The following ADAM8 variants were observed in gnomAD, a reference collection of about 807,000 sequenced individuals.
ADAM8 encodes disintegrin and metalloproteinase domain-containing protein 8.
Under a neutral mutation model 102.4 loss-of-function variants are expected in ADAM8, and 104 were observed. The observed-to-expected ratio is 1.02, with a 90% CI of 0.87 to 1.20. The LOEUF (loss-of-function observed/expected upper bound fraction) is 1.20. Among genes scored for constraint, ADAM8 ranks in the 50% most tolerant of loss-of-function variants. The pLI, the probability that ADAM8 is intolerant of heterozygous loss-of-function variation, is 0.00. For missense variants in ADAM8, 1,132 were observed against 1,159.0 expected, an observed-to-expected ratio of 0.98 and a Z score of 0.34; for synonymous variants, 517 against 485.2, an observed-to-expected ratio of 1.07 and a Z score of -0.86.
chr10:133,270,751 T>C lies in ADAM8; in HGVS notation c.1619A>G (p.Lys540Arg), dbSNP rs1589806782. The change falls in exon 15 of 23, where the codon AAG becomes AGG. Residue 540 changes from lysine (K) to arginine (R), a missense_variant. Coordinates refer to ENST00000445355, the MANE Select transcript of ADAM8 (RefSeq NM_001109.5). ...CFSYDILPGCKASRYRADMCG... is the reference protein window; with the variant it reads ...CFSYDILPGCRASRYRADMCG... Reference sequence around the variant, plus strand: ...CTCAGCTCACCTGTACCGGCTGGCCTTGCAGCCTGGTAGGATGTCATAGGA... The same window carrying C: ...CTCAGCTCACCTGTACCGGCTGGCCCTGCAGCCTGGTAGGATGTCATAGGA... 6.2e-7 allele frequency: 1 copy of C among 1,606,182 alleles called. No individual in the cohort carries two copies. Among genetic ancestry groups the C allele is most frequent in the Non-Finnish European group, 8.5e-7 (1 of 1,176,270 alleles).
chr10:133,264,253 G>T (rs540492207), intron 21 of ADAM8, among the ~76,000 whole-genome samples: 2 of 151,692 alleles, frequency 1.3e-5, no homozygotes, highest in African/African-American at 4.8e-5. Flanking sequence ...TAGAGACGGG[G>T]TCTCCCTATG....
At position 133,274,066 on chromosome 10, in the gene ADAM8, G is replaced by A. The variant is rs372158626; in HGVS notation, c.228-37C>T. ...GTGCTGTGACTGCCTCGGCCCCCTCGGTGCAGAGAGGCTGGCCCAGAGGCT... is the reference window on the plus strand; with the variant it reads ...GTGCTGTGACTGCCTCGGCCCCCTCAGTGCAGAGAGGCTGGCCCAGAGGCT... On this transcript the variant is annotated intron_variant, in intron 3 of 22. Coordinates refer to ENST00000445355, the MANE Select transcript of ADAM8 (RefSeq NM_001109.5). 4.1e-4 allele frequency: 661 copies of A among 1,592,980 alleles called. 11 individuals carry two copies. The South Asian group carries it at 7.0e-3, about 17-fold the overall frequency.
At chr10:133,264,893 T>A (rs1350857016) in intron 21 of ADAM8, among the ~76,000 whole-genome samples, 1 of 125,218 alleles carries the variant, frequency 8.0e-6, no homozygotes, top group South Asian at 3.1e-4. Flanking sequence ...CTCTGCCCCA[T>A]CTACCTCCAT....
chr10:133,267,543 G>C, intron 20 of ADAM8, 126 bp from the exon 21 acceptor site: 1 of 959,840 alleles, frequency 1.0e-6, no homozygotes. Flanking sequence ...CGGCCCACAG[G>C]GCCCCACCCC....
rs368209407 is a variant in ADAM8 at position 133,265,560 on chromosome 10, G to A, written c.2319+1792C>T. Among the ~76,000 whole-genome samples the A allele has an allele frequency of 2.6e-5, 4 of 152,280 alleles. No homozygotes were observed. The South Asian group carries it at 8.3e-4, about 32-fold the overall frequency. On this transcript the variant is annotated intron_variant, in intron 21 of 22. Coordinates refer to ENST00000445355, the MANE Select transcript of ADAM8 (RefSeq NM_001109.5). ...TAATCCCAGCACTTTGGGAGGCCAA[G>A]GCAGGCAGATTACGAGGTCAAGAGA...
chr10:133,268,730 AG>A lies in ADAM8; in HGVS notation c.2063+17del, dbSNP rs1182207078. 6.2e-7 allele frequency: 1 copy of A among 1,604,134 alleles called. No individual in the cohort carries two copies. Among genetic ancestry groups the A allele is most frequent in the Non-Finnish European group, 8.5e-7 (1 of 1,177,530 alleles). On this transcript the variant is annotated intron_variant, in intron 19 of 22. Coordinates refer to ENST00000445355, the MANE Select transcript of ADAM8 (RefSeq NM_001109.5). ...GGAAGCACTCGCCACCCTCCGTCACAGCCCCCACCACCCTCACCTGCTCAGG... is the reference window on the plus strand; with the variant it reads ...GGAAGCACTCGCCACCCTCCGTCACACCCCCACCACCCTCACCTGCTCAGG...
chr10:133,266,212 G>A (rs1056802414), intron 21 of ADAM8, among the ~76,000 whole-genome samples: 4 of 152,142 alleles, frequency 2.6e-5, no homozygotes, highest in African/African-American at 9.7e-5. Flanking sequence ...GGGGCCGGGG[G>A]CTGAGTGCCT....
In ADAM8 at chr10:133,273,778, T is replaced by TGCTGAGGCTGGCG. The variant is rs1443688482; in HGVS notation, c.354_366dup (p.Thr123ArgfsTer27). The TGCTGAGGCTGGCG allele has an allele frequency of 3.2e-6, 5 of 1,548,628 alleles. No individual in the cohort carries two copies. The highest frequency in any genetic ancestry group is 4.4e-6 in the Non-Finnish European group (5 of 1,146,768). Reference sequence around the variant, plus strand: ...CACACCCACCTGAGGCCGGCACAGGTGCTGAGGCTGGCGGCTGAGTCCGGG... The same window carrying TGCTGAGGCTGGCG: ...CACACCCACCTGAGGCCGGCACAGGTGCTGAGGCTGGCGGCTGAGGCTGGCGGCTGAGTCCGGG... On this transcript the variant is annotated frameshift_variant, in exon 5 of 23. Transcript: ENST00000445355. LOFTEE classifies it high-confidence loss of function.
chr10:133,263,700 A>C lies in ADAM8; in HGVS notation c.2385T>G (p.Pro795=). 1 of 1,532,220 alleles carries C rather than the reference A, an allele frequency of 6.5e-7. No homozygotes were observed. The highest frequency in any genetic ancestry group is 1.2e-5 in the South Asian group (1 of 82,228). 94.9% of individuals were successfully genotyped at this position (1,532,220 alleles called of 1,614,324 possible). Residue 795 remains proline (P), a synonymous_variant, in exon 22 of 23, where the codon CCT becomes CCG. Transcript: ENST00000445355. ...PVKPGAGAAN[P]GPAEGAVGPK... is the part of the protein sequence containing the mutation. The stretch of plus-strand genomic sequence containing the variant: ...GCTGGGGCCTCACCTCAGCTGGACC[A>C]GGGTTGGCCGCACCAGCCCCGGGTT...
intron 9 of ADAM8, 38 bp downstream of exon 9, chr10:133,272,378 C>G (rs1846563207): frequency 7.9e-7 from 1 of 1,267,568 alleles, no homozygotes; most frequent in Non-Finnish European, 1.1e-6. Context: ...CGCCCTCCCT[C>G]CCCAGCCCTC....
Position 133,271,687 on chromosome 10 carries a change from C to G in ADAM8, c.1125G>C (p.Met375Ile). ...GGTAGGCCTGGCTGCAGTCACTGAA[C>G]ATCCTGGGGAAACTGGAGCTGGGGA... is the stretch of plus-strand genomic sequence containing the variant. ...AGSIGSSFPR[M>I]FSDCSQAYLE... The change falls in exon 12 of 23, where the codon ATG becomes ATC. Residue 375 changes from methionine to isoleucine, a missense_variant. Met to Ile is a conservative substitution (Grantham distance 10, BLOSUM62 1). Transcript: ENST00000445355. 1 of 1,578,292 alleles carries G rather than the reference C, an allele frequency of 6.3e-7. No homozygotes were observed. The highest frequency in any genetic ancestry group is 8.6e-7 in the Non-Finnish European group (1 of 1,161,816).
rs749989019 is a variant in ADAM8 at position 133,270,887 on chromosome 10, C to T, written c.1558G>A (p.Gly520Arg). ...AGCTCTGTGCCCACTTCACCTGGCC[C>T]CCAGAAGGCCTGGCACTGCTGGGCC... ...TLAQQCQAFWGPGGQAAEESC... is the reference protein window; with the variant it reads ...TLAQQCQAFWRPGGQAAEESC... Residue 520 changes from glycine to arginine, a missense_variant, in exon 14 of 23, where the codon GGG becomes AGG. Coordinates refer to ENST00000445355, the MANE Select transcript of ADAM8 (RefSeq NM_001109.5). 8.7e-6 allele frequency: 14 copies of T among 1,610,582 alleles called. No individual in the cohort carries two copies. In the South Asian group the frequency reaches 8.8e-5, roughly 10 times the overall value.
rs1452076695 is a variant in ADAM8, at chr10:133,271,234, T to C, written c.1340A>G (p.Gln447Arg). 3 of 1,611,798 alleles carry C rather than the reference T, an allele frequency of 1.9e-6. No individual in the cohort carries two copies. The South Asian group carries it at 3.3e-5, about 18-fold the overall frequency. ...STTCQLAEGA[Q>R]CAHGTCCQEC... Reference sequence around the variant, plus strand: ...CTGGCAGCAGGTACCGTGCGCACACTGGGCCCCCTCAGCCAGCTGGCAGGT... The same window carrying C: ...CTGGCAGCAGGTACCGTGCGCACACCGGGCCCCCTCAGCCAGCTGGCAGGT... Residue 447 changes from glutamine (Q) to arginine (R), a missense_variant, in exon 13 of 23, where the codon CAG (glutamine) becomes CGG (arginine). Coordinates refer to ENST00000445355, the MANE Select transcript of ADAM8 (RefSeq NM_001109.5).
intron 19 of ADAM8, 29 bp from the exon 20 acceptor site, chr10:133,268,147 A>T (rs2136078089): frequency 8.0e-7 from 1 of 1,253,894 alleles, no homozygotes; most frequent in East Asian, 3.1e-5. Flanking sequence ...GCGCATGGTC[A>T]GTGTCCGGCC....
rs1313269926 is a variant in ADAM8 at position 133,269,848 on chromosome 10, A to G, written c.1863+49T>C. The G allele has an allele frequency of 1.9e-6, 3 of 1,587,046 alleles. No homozygotes were observed. In the South Asian group the frequency reaches 3.3e-5, roughly 18 times the overall value. ...AGCTGTCCCCAGCACCGGCTCCCTC[A>G]GAGCGGCAGCCTCTGTGCAGGGGCC... On this transcript the variant is annotated intron_variant, in intron 17 of 22. Coordinates refer to ENST00000445355, the MANE Select transcript of ADAM8 (RefSeq NM_001109.5).
At chr10:133,275,117 A>C in intron 2 of ADAM8, 3 of 311,056 alleles carry the variant, frequency 9.6e-6, no homozygotes, top group Non-Finnish European at 1.2e-5. Flanking sequence ...AGCCCTGGGA[A>C]ACCCCCGCCA....
At position 133,270,896 on chromosome 10, in the gene ADAM8, C is replaced by T. The variant is rs1202864629; in HGVS notation, c.1549G>A (p.Ala517Thr). The T allele has an allele frequency of 1.2e-6, 2 of 1,611,580 alleles. No individual in the cohort carries two copies. Among genetic ancestry groups the T allele is most frequent in the Non-Finnish European group, 8.5e-7 (1 of 1,179,086 alleles). The part of the protein sequence containing the change: ...ACPTLAQQCQ[A>T]FWGPGGQAAE... The stretch of plus-strand genomic sequence containing the variant: ...CCCACTTCACCTGGCCCCCAGAAGG[C>T]CTGGCACTGCTGGGCCAGTGTGGGA... The change falls in exon 14 of 23, where the codon GCC becomes ACC. Residue 517 changes from alanine (A) to threonine (T), a missense_variant. Coordinates refer to ENST00000445355, the MANE Select transcript of ADAM8 (RefSeq NM_001109.5).
intron 2 of ADAM8, among the ~76,000 whole-genome samples, 182 bp from the exon 3 acceptor site, chr10:133,274,417 G>A (rs1247576629): frequency 7.6e-6 from 1 of 132,168 alleles, no homozygotes. Context: ...GGAGGGTAGG[G>A]GGCAGGGGGT....
chr10:133,265,182 GC>G (rs557549228), intron 21 of ADAM8, among the ~76,000 whole-genome samples: 1 of 130,220 alleles, frequency 7.7e-6, no homozygotes, highest in Non-Finnish European at 1.6e-5. Flanking sequence ...CTACCTCCAC[GC>G]CCAGCTCCTG....
Sources: allele counts gnomAD v4.1 joint callset (sites outside exome capture counted in the v4.1 genomes callset), GRCh38; gene constraint gnomAD v4.1.1; transcripts MANE v1.5; gene names NCBI Gene and HGNC (gene_info 2026-07-23, HGNC 2026-07-21).